Variants in WLS observed in about 807,000 individuals in gnomAD.
WLS encodes protein wntless homolog.
A neutral mutation model predicts 62.8 loss-of-function variants in WLS; 23 were observed. The ratio of observed to expected loss-of-function variants is 0.37; its 90% CI spans 0.26 to 0.52. WLS has a LOEUF of 0.52. Among genes scored for constraint, WLS ranks in the 20% least tolerant of loss-of-function variants. WLS has a pLI of 0.92. For synonymous variants in WLS, 246 were observed against 244.1 expected (o/e 1.01, Z -0.07); for missense variants, 615 against 697.3 (o/e 0.88, Z 1.33).
intron 11 of WLS, among the ~76,000 whole-genome samples, chr1:68,118,786 G>T (rs543061962): frequency 2.7e-4 from 39 of 142,384 alleles, no homozygotes; most frequent in African/African-American, 9.6e-4. Context: ...TAAGGCAGGA[G>T]AATCACTTTG....
At chr1:68,111,306 G>A (rs1433396865) in intron 11 of WLS, among the ~76,000 whole-genome samples, 13 of 152,180 alleles carry the variant, frequency 8.5e-5, no homozygotes, top group African/African-American at 2.4e-4. Context: ...AATAACTAAG[G>A]CTGGGAGAAA....
At chr1:68,196,610 A>G (rs948524841) in intron 1 of WLS, among the ~76,000 whole-genome samples, 2 of 152,260 alleles carry the variant, frequency 1.3e-5, no homozygotes, top group Middle Eastern at 3.4e-3. Context: ...ATCTATTTTA[A>G]TGATACATTT....
At chr1:68,135,857 C>T (rs1292838840) in intron 11 of WLS, among the ~76,000 whole-genome samples, 1 of 152,162 alleles carries the variant, frequency 6.6e-6, no homozygotes, top group Non-Finnish European at 1.5e-5. Flanking sequence ...CCATTTTCCA[C>T]ATGTACAGTA....
intron 11 of WLS, among the ~76,000 whole-genome samples, chr1:68,110,310 G>C (rs916716034): frequency 2.6e-5 from 4 of 151,842 alleles, no homozygotes; most frequent in Admixed American, 2.6e-4. Context: ...CTATACATTG[G>C]AAACAATTTA....
At chr1:68,189,430 G>A (rs541841170) in intron 2 of WLS, among the ~76,000 whole-genome samples, 1 of 151,228 alleles carries the variant, frequency 6.6e-6, no homozygotes, top group Non-Finnish European at 1.5e-5. Context: ...ATTAATTATT[G>A]TTGTTATCTT....
At chr1:68,193,320 C>A (rs1312209290) in intron 2 of WLS, among the ~76,000 whole-genome samples, 1 of 137,412 alleles carries the variant, frequency 7.3e-6, no homozygotes, top group Non-Finnish European at 1.5e-5. Context: ...ATTGGCCTCC[C>A]AGAAATCACC....
At chr1:68,137,669 AC>A (rs1372910469) in intron 11 of WLS, 110 bp downstream of exon 11, 1 of 1,274,440 alleles carries the variant, frequency 7.8e-7, no homozygotes, top group Non-Finnish European at 1.1e-6. Context: ...TGAGGAGTAT[AC>A]TTGGAGGGAA....
exon 12 of WLS, chr1:68,098,614 A>T (rs752828213): frequency 1.2e-6 from 2 of 1,612,638 alleles, no homozygotes; most frequent in South Asian, 1.1e-5. Context: ...GCTGATAAAC[A>T]TGTGTTGCCT....
At chr1:68,162,542 C>T in intron 2 of WLS, 1 of 1,599,590 alleles carries the variant, frequency 6.3e-7, no homozygotes, top group Admixed American at 1.7e-5. Flanking sequence ...CCGATGAGGC[C>T]CAGCATTTCC....
At chr1:68,192,019 T>C (rs536998123) in intron 2 of WLS, among the ~76,000 whole-genome samples, 2 of 152,324 alleles carry the variant, frequency 1.3e-5, no homozygotes, top group African/African-American at 4.8e-5. Flanking sequence ...GCACCCAGCA[T>C]ACCACACTGT....
At chr1:68,210,075 T>C (rs1336061259) in intron 1 of WLS, among the ~76,000 whole-genome samples, 3 of 152,338 alleles carry the variant, frequency 2.0e-5, no homozygotes, top group South Asian at 4.1e-4. Flanking sequence ...CTCAGCACTA[T>C]GTGGACTCAG....
At chr1:68,208,769 T>C (rs1649387451) in intron 1 of WLS, among the ~76,000 whole-genome samples, 1 of 152,158 alleles carries the variant, frequency 6.6e-6, no homozygotes, top group Non-Finnish European at 1.5e-5. Context: ...TTAGGCAGAA[T>C]TTATTGTGTT....
rs570758535 is a variant in WLS at position 68,145,689 on chromosome 1, C to T, written c.1278+180G>A. ...CCACAGAAAACACCAAGATTTAGGC[C>T]AGCTAGATGCTTCTCAGAGTAAGAT... On this transcript the variant is annotated intron_variant, in intron 9 of 11. Transcript: ENST00000262348. Among the ~76,000 whole-genome samples the T allele has an allele frequency of 1.2e-3, 186 of 152,178 alleles. 1 individual carries two copies. The highest frequency in any genetic ancestry group is 2.0e-3 in the Non-Finnish European group (138 of 68,012).
At chr1:68,195,491 T>C (rs1205904228) in intron 1 of WLS, among the ~76,000 whole-genome samples, 1 of 152,234 alleles carries the variant, frequency 6.6e-6, no homozygotes, top group Non-Finnish European at 1.5e-5. Context: ...ATATTTTCTT[T>C]ATAATTAAAA....
At chr1:68,134,269 T>C (rs1646573715) in intron 11 of WLS, among the ~76,000 whole-genome samples, 1 of 151,918 alleles carries the variant, frequency 6.6e-6, no homozygotes, top group East Asian at 1.9e-4. Flanking sequence ...GATGAAGAGA[T>C]GAAAAGTGAA....
chr1:68,141,360 C>T (rs191178659), intron 10 of WLS: 11 of 152,262 alleles, frequency 7.2e-5, no homozygotes, highest in African/African-American at 2.6e-4. Context: ...TGACCTTCTC[C>T]CCTGCACTGC....
intron 2 of WLS, among the ~76,000 whole-genome samples, chr1:68,173,411 C>CCTCCCT (rs1553131751): frequency 6.7e-5 from 10 of 149,980 alleles, no homozygotes; most frequent in African/African-American, 2.4e-4. Flanking sequence ...CCTGCGTGCC[C>CCTCCCT]CTCTCTCTCT....
intron 11 of WLS, among the ~76,000 whole-genome samples, chr1:68,130,889 C>CTTTT (rs56038722): frequency 0.01 from 1,051 of 100,760 alleles, 20 homozygotes; most frequent in Middle Eastern, 0.024. Context: ...GTTTCTTCTT[C>CTTTT]TTTTTTTTTT....
intron 2 of WLS, chr1:68,183,465 T>C (rs1026740223): frequency 1.9e-6 from 1 of 514,564 alleles, no homozygotes; most frequent in Non-Finnish European, 4.0e-6. Context: ...CTCTGCCCCA[T>C]TCAGCTCTCT....
Sources: allele counts gnomAD v4.1 joint callset (sites outside exome capture counted in the v4.1 genomes callset), GRCh38; gene constraint gnomAD v4.1.1; transcripts MANE v1.5; gene names NCBI Gene and HGNC (gene_info 2026-07-23, HGNC 2026-07-21).